Variants in ARHGAP35 observed in about 807,000 individuals in gnomAD.
ARHGAP35 encodes Rho GTPase activating protein 35, also known as rho GTPase-activating protein 35.
ARHGAP35 carries 15 observed loss-of-function variants against 111.1 expected under a neutral mutation model. The ratio of observed to expected loss-of-function variants is 0.13; its 90% CI spans 0.09 to 0.21. The LOEUF is 0.21. ARHGAP35 is among the 10% of genes least tolerant of loss of function. The pLI is 1.00. For synonymous variants in ARHGAP35, 643 were observed against 710.3 expected (o/e 0.91, Z 1.51); for missense variants, 1,262 against 1,873.0 (o/e 0.67, Z 6.02).
At chr19:46,968,205 A>T (rs1177810718) in intron 3 of ARHGAP35, among the ~76,000 whole-genome samples, 1 of 152,224 alleles carries the variant, frequency 6.6e-6, no homozygotes, top group East Asian at 1.9e-4. Context: ...GAGGAAGAAG[A>T]TTCATATAAC....
At chr19:46,935,165 G>A (rs1261645221) in intron 2 of ARHGAP35, among the ~76,000 whole-genome samples, 3 of 152,160 alleles carry the variant, frequency 2.0e-5, no homozygotes, top group African/African-American at 7.2e-5. Context: ...CCATTCCCCC[G>A]AACCTAGGAG....
intron 1 of ARHGAP35, among the ~76,000 whole-genome samples, chr19:46,903,323 G>C (rs907993611): frequency 6.6e-6 from 1 of 152,106 alleles, no homozygotes; most frequent in African/African-American, 2.4e-5. Flanking sequence ...CTGCTGACAG[G>C]GTTTTTATAA....
chr19:46,898,901 A>T (rs2056070551), intron 1 of ARHGAP35, among the ~76,000 whole-genome samples: 1 of 152,110 alleles, frequency 6.6e-6, no homozygotes, highest in African/African-American at 2.4e-5. Context: ...AGTTGCCTGC[A>T]TTCTTCCATA....
intron 1 of ARHGAP35, among the ~76,000 whole-genome samples, chr19:46,916,582 CAG>C (rs1555756703): frequency 3.5e-4 from 53 of 152,286 alleles, no homozygotes; most frequent in African/African-American, 9.4e-4. Flanking sequence ...TAGAACTAAA[CAG>C]GGGACAGGCC....
chr19:46,902,218 G>A (rs967706231), intron 1 of ARHGAP35, among the ~76,000 whole-genome samples: 1 of 152,204 alleles, frequency 6.6e-6, no homozygotes, highest in African/African-American at 2.4e-5. Flanking sequence ...TGACATGTTA[G>A]TTGGCAAAGT....
intron 1 of ARHGAP35, among the ~76,000 whole-genome samples, chr19:46,915,998 T>C (rs777142285): frequency 8.8e-5 from 13 of 147,528 alleles, no homozygotes; most frequent in Non-Finnish European, 1.9e-4. Flanking sequence ...TGCAGTGGCG[T>C]GTCTCGGCTC....
At chr19:46,869,141 A>G (rs867199868) in intron 1 of ARHGAP35, among the ~76,000 whole-genome samples, 18 of 152,052 alleles carry the variant, frequency 1.2e-4, no homozygotes, top group Middle Eastern at 3.4e-3. Flanking sequence ...TCCTGACCTC[A>G]TGTGATCCAC....
intron 3 of ARHGAP35, among the ~76,000 whole-genome samples, chr19:46,960,124 A>AAAAG (rs1555763504): frequency 3.3e-5 from 5 of 151,370 alleles, no homozygotes; most frequent in Admixed American, 6.6e-5. Flanking sequence ...AAAAAAAAAA[A>AAAAG]AAAGAAAGAA....
intron 3 of ARHGAP35, among the ~76,000 whole-genome samples, chr19:46,938,839 A>G (rs374414162): frequency 1.9e-4 from 28 of 151,140 alleles, no homozygotes; most frequent in Middle Eastern, 3.5e-3. Context: ...TGTATTTTTA[A>G]TAGAGATAGG....
Position 46,939,986 on chromosome 19 carries a change from C to G in ARHGAP35, c.3826+2578C>G, listed in dbSNP as rs368938111. Among the ~76,000 whole-genome samples the G allele has an allele frequency of 1.7e-4, 26 of 151,740 alleles. No individual in the cohort carries two copies. In the East Asian group the frequency reaches 2.8e-3, roughly 16 times the overall value. On this transcript the variant is annotated intron_variant, in intron 3 of 6. Coordinates refer to ENST00000672722, the MANE Select transcript of ARHGAP35 (RefSeq NM_004491.5). ...GCACAGTGGCTCACGACTGTAGTCCCAGCACTTTGGGAGGCCGAGGCAAGC... is the reference window on the plus strand; with the variant it reads ...GCACAGTGGCTCACGACTGTAGTCCGAGCACTTTGGGAGGCCGAGGCAAGC...
In ARHGAP35 at chr19:47,001,159, A is replaced by G; in HGVS notation, c.*471A>G. On this transcript the variant is annotated 3_prime_UTR_variant, in exon 7 of 7. Coordinates refer to ENST00000672722, the MANE Select transcript of ARHGAP35 (RefSeq NM_004491.5). The surrounding 1 kb of genome is among the most constrained non-coding windows in gnomAD (Gnocchi z 5.4). Reference sequence around the variant, plus strand: ...CACCTTCCATCTGCACACACCCCCAAGGTAAGGGTACAGCCCGGCTGGCGG... The same window carrying G: ...CACCTTCCATCTGCACACACCCCCAGGGTAAGGGTACAGCCCGGCTGGCGG... 3.3e-6 allele frequency: 4 copies of G among 1,229,238 alleles called. No individual in the cohort carries two copies. Among genetic ancestry groups the G allele is most frequent in the Non-Finnish European group, 4.2e-6 (4 of 961,510 alleles). The allele number at this position is 1,229,238 out of a possible 1,614,324, so 76.1% of individuals were successfully genotyped here.
At chr19:46,976,560 G>A (rs890217951) in intron 3 of ARHGAP35, among the ~76,000 whole-genome samples, 7 of 152,252 alleles carry the variant, frequency 4.6e-5, no homozygotes, top group South Asian at 2.1e-4. Context: ...GCCCCGAGAC[G>A]GTTCCAGCCG....
chr19:46,991,595 C>T (rs1162861833), intron 5 of ARHGAP35, among the ~76,000 whole-genome samples: 1 of 152,174 alleles, frequency 6.6e-6, no homozygotes, highest in Non-Finnish European at 1.5e-5. Context: ...TTCCTGTCCC[C>T]GACGGTACTC....
chr19:46,864,421 G>A lies in ARHGAP35; in HGVS notation c.-189+3212G>A, dbSNP rs527858177. Reference sequence around the variant, plus strand: ...TGATTTTTTTCCCTGCTGTGGCCTAGGGCAATTGTATATTAAAGTAGCCAT... The same window carrying A: ...TGATTTTTTTCCCTGCTGTGGCCTAAGGCAATTGTATATTAAAGTAGCCAT... On this transcript the variant is annotated intron_variant, in intron 1 of 6. Transcript: ENST00000672722. 1.3e-4 allele frequency among the ~76,000 whole-genome samples: 20 copies of A among 152,172 alleles called. No individual in the cohort carries two copies. The South Asian group carries it at 4.1e-3, about 32-fold the overall frequency.
chr19:46,943,408 C>T (rs538324466), intron 3 of ARHGAP35, among the ~76,000 whole-genome samples: 3 of 152,140 alleles, frequency 2.0e-5, no homozygotes, highest in Admixed American at 1.3e-4. Flanking sequence ...ATTGGGCTTA[C>T]GGGCTCCATA....
chr19:46,973,674 G>A (rs2056564355), intron 3 of ARHGAP35, among the ~76,000 whole-genome samples: 1 of 151,504 alleles, frequency 6.6e-6, no homozygotes, highest in Admixed American at 6.6e-5. Flanking sequence ...CTGGGCAACA[G>A]AGCGAGACTC....
rs756000039 is a variant in ARHGAP35 at position 46,921,663 on chromosome 19, T to G, written c.2988T>G (p.Phe996Leu). The change falls in exon 2 of 7, where the codon TTT becomes TTG. Residue 996 changes from phenylalanine to leucine, a missense_variant. Around this residue, in one of 8 missense-constraint regions of ARHGAP35, gnomAD observed 579 missense variants for 716.9 expected, o/e 0.81. Coordinates refer to ENST00000672722, the MANE Select transcript of ARHGAP35 (RefSeq NM_004491.5). The surrounding 1 kb of genome is among the most constrained non-coding windows in gnomAD (Gnocchi z 4.3). ...ATATCGAGCCATCTTACAGCCTGTT[T>G]CGAGAAGACACATCACTGCCTTCTC... is the stretch of plus-strand genomic sequence containing the variant. ...EEDIEPSYSLFREDTSLPSLS... is the reference protein window; with the variant it reads ...EEDIEPSYSLLREDTSLPSLS... The G allele has an allele frequency of 1.2e-6, 2 of 1,613,994 alleles. No homozygotes were observed. The highest frequency in any genetic ancestry group is 1.7e-6 in the Non-Finnish European group (2 of 1,179,894).
In ARHGAP35 at chr19:46,992,167, G is replaced by A. The variant is rs77291244; in HGVS notation, c.4036+2492G>A. Among the ~76,000 whole-genome samples, 1,462 of 152,266 alleles carry A rather than the reference G, an allele frequency of 9.6e-3. 19 individuals are homozygous for A. Among genetic ancestry groups the A allele is most frequent in the African/African-American group, 0.031 (1,302 of 41,534 alleles). On this transcript the variant is annotated intron_variant, in intron 5 of 6. Transcript: ENST00000672722. This position sits in a 1 kb window ranked among gnomAD's most constrained non-coding sequence, Gnocchi z 4.4. ...GCCTAGGCTGGGCCCGGCTCTCCAC[G>A]AGGCACTTGATTCCCACCACTGATC...
intron 1 of ARHGAP35, among the ~76,000 whole-genome samples, chr19:46,878,248 C>T (rs1262670503): frequency 6.6e-6 from 1 of 152,268 alleles, no homozygotes; most frequent in South Asian, 2.1e-4. Context: ...GTCTCAAACT[C>T]CTGACCTCAA....
Sources: allele counts gnomAD v4.1 joint callset (sites outside exome capture counted in the v4.1 genomes callset), GRCh38; gene constraint gnomAD v4.1.1; regional missense constraint gnomAD v4.1.1; non-coding constraint Gnocchi (gnomAD v3.1); transcripts MANE v1.5; gene names NCBI Gene and HGNC (gene_info 2026-07-23, HGNC 2026-07-21).